SLC35A3: variants seen among roughly 807,000 people sequenced by gnomAD.
SLC35A3 encodes the protein UDP-N-acetylglucosamine transporter.
SLC35A3 carries 26 observed loss-of-function variants against 39.0 expected under a neutral mutation model. That is an observed-to-expected ratio of 0.67 (90% confidence interval 0.49 to 0.92). SLC35A3 has a LOEUF of 0.92. SLC35A3 is among the 40% of genes least tolerant of loss of function. The pLI, the probability that SLC35A3 is intolerant of heterozygous loss-of-function variation, is 0.00. For missense variants in SLC35A3, 299 were observed against 371.6 expected (o/e 0.80, Z 1.61); for synonymous variants, 135 against 133.1 (o/e 1.01, Z -0.10).
At chr1:100,021,196 C>T (rs911114926) in intron 7 of SLC35A3, among the ~76,000 whole-genome samples, 7 of 151,918 alleles carry the variant, frequency 4.6e-5, no homozygotes, top group Non-Finnish European at 7.4e-5. Context: ...AACCCCATCT[C>T]TACTAAAAAT....
chr1:99,978,327 G>A (rs1657243842), intron 1 of SLC35A3, among the ~76,000 whole-genome samples: 1 of 152,062 alleles, frequency 6.6e-6, no homozygotes, highest in Non-Finnish European at 1.5e-5. Flanking sequence ...AGACCAGCCT[G>A]GGCAACACAG....
intron 3 of SLC35A3, among the ~76,000 whole-genome samples, chr1:100,002,804 A>G (rs748246469): frequency 2.7e-5 from 4 of 150,760 alleles, no homozygotes; most frequent in African/African-American, 9.8e-5. Flanking sequence ...TTGTAGAGAC[A>G]GGGTCTTTTT....
At chr1:99,991,724 C>G (rs534801597) in intron 1 of SLC35A3, among the ~76,000 whole-genome samples, 1 of 152,124 alleles carries the variant, frequency 6.6e-6, no homozygotes, top group South Asian at 2.1e-4. Flanking sequence ...TAAGTCCTTC[C>G]TTGAATCCTT....
chr1:99,992,590 CTA>C (rs1658155587), intron 1 of SLC35A3, among the ~76,000 whole-genome samples: 1 of 152,064 alleles, frequency 6.6e-6, no homozygotes. Flanking sequence ...CTATGTGAGT[CTA>C]AAATTATTTT....
intron 1 of SLC35A3, chr1:99,970,779 G>A (rs1451060530): frequency 3.2e-6 from 2 of 623,884 alleles, no homozygotes; most frequent in African/African-American, 1.9e-5. Flanking sequence ...TGAAAATTAA[G>A]TCTTTTCGTT....
At chr1:99,988,124 CCA>C (rs1272464928) in intron 1 of SLC35A3, among the ~76,000 whole-genome samples, 2 of 152,170 alleles carry the variant, frequency 1.3e-5, no homozygotes, top group Non-Finnish European at 2.9e-5. Flanking sequence ...CATATAACTA[CCA>C]CACAGTATTT....
intron 4 of SLC35A3, 55 bp downstream of exon 4, chr1:100,007,211 A>G: frequency 6.9e-6 from 10 of 1,442,624 alleles, no homozygotes; most frequent in South Asian, 2.5e-5. Context: ...TCAAAACCTT[A>G]TTTATTTTGT....
At chr1:100,022,313 T>G (rs1229527575) in intron 7 of SLC35A3, 73 bp from the exon 8 acceptor site, 1 of 767,032 alleles carries the variant, frequency 1.3e-6, no homozygotes, top group Non-Finnish European at 2.1e-6. Flanking sequence ...GTTTTTATAG[T>G]AAAGAAATAG....
intron 4 of SLC35A3, among the ~76,000 whole-genome samples, chr1:100,010,529 CA>C (rs886404249): frequency 7.9e-5 from 12 of 151,938 alleles, no homozygotes; most frequent in Non-Finnish European, 1.5e-5. Context: ...CCTGTCTCTA[CA>C]AAAAACACAG....
In SLC35A3 at chr1:100,022,523, C is replaced by A; in HGVS notation, c.*47C>A. Reference sequence around the variant, plus strand: ...TTTTTCACGATGGGGCACTAGGAATCTCGACATTAATCTTGCACAGAGGAC... The same window carrying A: ...TTTTTCACGATGGGGCACTAGGAATATCGACATTAATCTTGCACAGAGGAC... On this transcript the variant is annotated 3_prime_UTR_variant, in exon 8 of 8. Transcript: ENST00000533028. The A allele has an allele frequency of 1.0e-6, 1 of 979,336 alleles. No individual in the cohort carries two copies. The highest frequency in any genetic ancestry group is 1.6e-6 in the Non-Finnish European group (1 of 621,682). 60.7% of individuals were successfully genotyped at this position (979,336 alleles called of 1,614,324 possible).
In SLC35A3 at chr1:100,027,928, T is replaced by C. The variant is rs1444146415; in HGVS notation, c.*5452T>C. On this transcript the variant is annotated 3_prime_UTR_variant, in exon 8 of 8. Transcript: ENST00000533028. ...AAAGTATCTTAGAATCTGAATCTTATAGATAATACTACCTTTTTTTTTTTT... is the reference window on the plus strand; with the variant it reads ...AAAGTATCTTAGAATCTGAATCTTACAGATAATACTACCTTTTTTTTTTTT... 1 of 150,016 alleles carries C rather than the reference T, an allele frequency of 6.7e-6. No homozygotes were observed. Among genetic ancestry groups the C allele is most frequent in the Non-Finnish European group, 1.5e-5 (1 of 67,674 alleles). The allele number at this position is 150,016 out of a possible 1,614,324, so 9.3% of individuals were successfully genotyped here. A position where few individuals can be genotyped will look rare whatever the true frequency, so the allele number is the denominator to read the frequency against.
At position 100,015,174 on chromosome 1, in the gene SLC35A3, A is replaced by AG. The variant is rs1207952510; in HGVS notation, c.635-128_635-127insG. On this transcript the variant is annotated intron_variant, in intron 5 of 7. Transcript: ENST00000533028. ...CTCCGTCTCAAAAAAAAAAAAAAAA[A>AG]AAAGAAAGTAATCTAATTTTATCAA... The AG allele has an allele frequency of 5.3e-5, 52 of 989,266 alleles. No individual in the cohort carries two copies. In the African/African-American group the frequency reaches 7.6e-4, roughly 14 times the overall value. 61.3% of individuals were successfully genotyped at this position (989,266 alleles called of 1,614,324 possible).
chr1:100,025,236 G>A lies in SLC35A3; in HGVS notation c.*2760G>A, dbSNP rs957862262. The A allele has an allele frequency of 1.3e-5, 2 of 152,206 alleles. No individual in the cohort carries two copies. The highest frequency in any genetic ancestry group is 2.9e-5 in the Non-Finnish European group (2 of 68,050). 9.4% of individuals were successfully genotyped at this position (152,206 alleles called of 1,614,324 possible). On this transcript the variant is annotated 3_prime_UTR_variant, in exon 8 of 8. Transcript: ENST00000533028. Reference sequence around the variant, plus strand: ...AATCCTGCAAATGCACAGAATTCAAGCTGAAATATAATGATTTATGTTTAG... The same window carrying A: ...AATCCTGCAAATGCACAGAATTCAAACTGAAATATAATGATTTATGTTTAG...
At chr1:99,989,074 A>G (rs1421738024) in intron 1 of SLC35A3, among the ~76,000 whole-genome samples, 1 of 152,060 alleles carries the variant, frequency 6.6e-6, no homozygotes, top group African/African-American at 2.4e-5. Context: ...AAGTGGTCGT[A>G]CCATTTTACA....
Position 100,017,699 on chromosome 1 carries a change from A to G in SLC35A3, c.771A>G (p.Val257=), listed in dbSNP as rs2101455469. ...VVVLQALGGL[V]IAAVIKYADN... ...AACTTCAGGCACTTGGAGGCCTTGT[A>G]ATAGCTGCTGTTATTAAGTATGCAG... Residue 257 remains valine (V), a synonymous_variant, in exon 7 of 8, where the codon GTA becomes GTG. Coordinates refer to ENST00000533028, the MANE Select transcript of SLC35A3 (RefSeq NM_012243.3). 2 of 1,554,178 alleles carry G rather than the reference A, an allele frequency of 1.3e-6. No homozygotes were observed. The highest frequency in any genetic ancestry group is 2.4e-5 in the East Asian group (1 of 42,344).
At chr1:100,022,080 G>C (rs752689239) in intron 7 of SLC35A3, among the ~76,000 whole-genome samples, 5 of 152,144 alleles carry the variant, frequency 3.3e-5, no homozygotes, top group Non-Finnish European at 7.4e-5. Flanking sequence ...AGACATACCT[G>C]GGTTTGATCC....
At chr1:100,005,738 G>A (rs1659181197) in intron 3 of SLC35A3, among the ~76,000 whole-genome samples, 1 of 152,046 alleles carries the variant, frequency 6.6e-6, no homozygotes, top group Non-Finnish European at 1.5e-5. Context: ...TTTAGATGAT[G>A]AATTGTTCTC....
In SLC35A3 at chr1:100,026,550, T is replaced by C. The variant is rs1472499152; in HGVS notation, c.*4074T>C. The C allele has an allele frequency of 6.6e-6, 1 of 152,216 alleles. No homozygotes were observed. Among genetic ancestry groups the C allele is most frequent in the Non-Finnish European group, 1.5e-5 (1 of 68,014 alleles). 9.4% of individuals were successfully genotyped at this position (152,216 alleles called of 1,614,324 possible). ...TTTTTTTGGTTGTTTCAACATTAGCTCTTCAAATTCATTAACAAAATTAAA... is the reference window on the plus strand; with the variant it reads ...TTTTTTTGGTTGTTTCAACATTAGCCCTTCAAATTCATTAACAAAATTAAA... On this transcript the variant is annotated 3_prime_UTR_variant, in exon 8 of 8. Coordinates refer to ENST00000533028, the MANE Select transcript of SLC35A3 (RefSeq NM_012243.3).
chr1:99,996,718 A>G (rs186236115), intron 2 of SLC35A3, among the ~76,000 whole-genome samples: 2 of 152,278 alleles, frequency 1.3e-5, no homozygotes, highest in African/African-American at 4.8e-5. Context: ...TAAAAATAAA[A>G]TAACATAAAG....
Sources: allele counts gnomAD v4.1 joint callset (sites outside exome capture counted in the v4.1 genomes callset), GRCh38; gene constraint gnomAD v4.1.1; transcripts MANE v1.5; gene names NCBI Gene and HGNC (gene_info 2026-07-23, HGNC 2026-07-21).